Variants in AURKC observed in about 807,000 individuals in gnomAD.
AURKC encodes ARK-3.
A neutral mutation model predicts 29.2 loss-of-function variants in AURKC; 15 were observed. That is an observed-to-expected ratio of 0.51 (90% CI 0.34 to 0.79). The LOEUF is 0.79. Among genes scored for constraint, AURKC ranks in the 30% least tolerant of loss-of-function variants. AURKC has a pLI of 0.01. For missense variants in AURKC, 332 were observed against 383.2 expected, an observed-to-expected ratio of 0.87 and a Z score of 1.12; for synonymous variants, 150 against 149.9, an observed-to-expected ratio of 1.00 and a Z score of -0.01.
chr19:57,231,205 C>T lies in AURKC; in HGVS notation c.-44C>T, dbSNP rs1425407322. On this transcript the variant is annotated 5_prime_UTR_variant, in exon 1 of 7. Transcript: ENST00000302804. ...GGACCCTGTGAACGGGAACAGCCAT[C>T]CAGAGGGTTCAGGAAGGCGTCCGCG... 1 of 1,551,598 alleles carries T rather than the reference C, an allele frequency of 6.4e-7. No homozygotes were observed. The highest frequency in any genetic ancestry group is 8.7e-7 in the Non-Finnish European group (1 of 1,146,970).
intron 1 of AURKC, 54 bp downstream of exon 1, chr19:57,231,360 G>T (rs1038513219): frequency 5.2e-6 from 8 of 1,544,322 alleles, no homozygotes; most frequent in Non-Finnish European, 7.0e-6. Flanking sequence ...CTGGGCCAGG[G>T]GTCGGGTGCA....
intron 1 of AURKC, 149 bp from the exon 2 acceptor site, chr19:57,231,593 T>G: frequency 3.2e-6 from 2 of 624,554 alleles, no homozygotes; most frequent in Non-Finnish European, 5.4e-6. Context: ...TCTCCCTGCC[T>G]TCCCCTTCCC....
chr19:57,234,559 A>G lies in AURKC; in HGVS notation c.585-325A>G, dbSNP rs145059520. Among the ~76,000 whole-genome samples the G allele has an allele frequency of 3.0e-4, 45 of 152,186 alleles. 1 individual carries two copies. In the East Asian group the frequency reaches 8.1e-3, roughly 27 times the overall value. ...TTTCATACAGAAATTTTCTTACCAT[A>G]ATTTATTTACTTGGCTCTCATTGAT... On this transcript the variant is annotated intron_variant, in intron 5 of 6. Coordinates refer to ENST00000302804, the MANE Select transcript of AURKC (RefSeq NM_001015878.2).
At chr19:57,233,324 C>A in intron 4 of AURKC, 136 bp from the exon 5 acceptor site, 1 of 1,255,630 alleles carries the variant, frequency 8.0e-7, no homozygotes, top group Non-Finnish European at 1.2e-6. Context: ...GTAACTGGTG[C>A]AATTTAAAAG....
intron 1 of AURKC, 160 bp from the exon 2 acceptor site, chr19:57,231,582 C>G (rs189902236): frequency 3.6e-6 from 3 of 823,422 alleles, no homozygotes; most frequent in South Asian, 3.2e-5. Flanking sequence ...CTCCCTCCCC[C>G]TCTCCCTGCC....
In AURKC at chr19:57,231,238, C is replaced by T. The variant is rs2087485112; in HGVS notation, c.-11C>T. 1.3e-6 allele frequency: 2 copies of T among 1,551,882 alleles called. No individual in the cohort carries two copies. Among genetic ancestry groups the T allele is most frequent in the Admixed American group, 2.0e-5 (1 of 51,032 alleles). On this transcript the variant is annotated 5_prime_UTR_variant, in exon 1 of 7. Coordinates refer to ENST00000302804, the MANE Select transcript of AURKC (RefSeq NM_001015878.2). ...TTCAGGAAGGCGTCCGCGCCCTCAC[C>T]TCTTCTCCCCATGAGCTCCCCCAGA...
chr19:57,234,730 C>T (rs2087529287), intron 5 of AURKC, among the ~76,000 whole-genome samples, 154 bp from the exon 6 acceptor site: 1 of 152,110 alleles, frequency 6.6e-6, no homozygotes, highest in Non-Finnish European at 1.5e-5. Flanking sequence ...AACCTTGATC[C>T]ATATTAAAAA....
chr19:57,232,341 T>G lies in AURKC; in HGVS notation c.296+117T>G. 2 of 1,428,648 alleles carry G rather than the reference T, an allele frequency of 1.4e-6. No homozygotes were observed. The highest frequency in any genetic ancestry group is 1.9e-6 in the Non-Finnish European group (2 of 1,035,946). The allele number at this position is 1,428,648 out of a possible 1,614,324, so 88.5% of individuals were successfully genotyped here. ...CCTTGAAGACTTCTCTGCAGTTCAT[T>G]CCATTTACACTACCTCCTACCCTGG... On this transcript the variant is annotated intron_variant, in intron 3 of 6. Coordinates refer to ENST00000302804, the MANE Select transcript of AURKC (RefSeq NM_001015878.2). The surrounding 1 kb of genome is among the most constrained non-coding windows in gnomAD (Gnocchi z 4.5).
intron 4 of AURKC, 27 bp from the exon 5 acceptor site, chr19:57,233,433 C>T: frequency 6.2e-7 from 1 of 1,614,074 alleles, no homozygotes; most frequent in Non-Finnish European, 8.5e-7. Flanking sequence ...GCTTCACTTC[C>T]AGGGTGACTT....
chr19:57,233,331 A>G, intron 4 of AURKC, 129 bp from the exon 5 acceptor site: 1 of 1,351,396 alleles, frequency 7.4e-7, no homozygotes, highest in Non-Finnish European at 1.1e-6. Context: ...GTGCAATTTA[A>G]AAGGAGGAAA....
chr19:57,233,754 CTTTTT>C (rs779336470), intron 5 of AURKC, 146 bp downstream of exon 5: 2 of 921,228 alleles, frequency 2.2e-6, no homozygotes, highest in South Asian at 1.8e-5. Flanking sequence ...CTTTTCTTTT[CTTTTT>C]TTTTTTGAGA....
Position 57,235,513 on chromosome 19 carries a change from G to C in AURKC, c.*96G>C, listed in dbSNP as rs2087538276. 2.8e-6 allele frequency: 4 copies of C among 1,443,006 alleles called. No individual in the cohort carries two copies. Among genetic ancestry groups the C allele is most frequent in the Non-Finnish European group, 3.9e-6 (4 of 1,035,100 alleles). 89.4% of individuals were successfully genotyped at this position (1,443,006 alleles called of 1,614,324 possible). On this transcript the variant is annotated 3_prime_UTR_variant, in exon 7 of 7. Coordinates refer to ENST00000302804, the MANE Select transcript of AURKC (RefSeq NM_001015878.2). ...TATTTTTTTCTCTTTTAAGATGTAA[G>C]ATGCTAATTAATAAAAGCTGAATCA...
In AURKC at chr19:57,232,325, C is replaced by T; in HGVS notation, c.296+101C>T. Reference sequence around the variant, plus strand: ...AAACCCTGCACTTGTACCTTGAAGACTTCTCTGCAGTTCATTCCATTTACA... The same window carrying T: ...AAACCCTGCACTTGTACCTTGAAGATTTCTCTGCAGTTCATTCCATTTACA... On this transcript the variant is annotated intron_variant, in intron 3 of 6. Coordinates refer to ENST00000302804, the MANE Select transcript of AURKC (RefSeq NM_001015878.2). The surrounding 1 kb of genome is among the most constrained non-coding windows in gnomAD (Gnocchi z 4.5). 2 of 1,481,290 alleles carry T rather than the reference C, an allele frequency of 1.4e-6. No homozygotes were observed. Among genetic ancestry groups the T allele is most frequent in the Non-Finnish European group, 1.8e-6 (2 of 1,082,052 alleles). The allele number at this position is 1,481,290 out of a possible 1,614,324, so 91.8% of individuals were successfully genotyped here.
intron 2 of AURKC, 84 bp from the exon 3 acceptor site, chr19:57,231,949 A>C: frequency 6.2e-7 from 1 of 1,602,850 alleles, no homozygotes. Context: ...ACAATGAAAG[A>C]GGAAGGGGAG....
rs905218262 is a variant in AURKC, at chr19:57,231,761, A to G, written c.78A>G (p.Thr26=). ...TTTCAGTGGCTACAGCAAACCAAAC[A>G]GCCCAGCAGCCCAGCAGCCCAGCCA... ...AGEELATANQ[T]AQQPSSPAMR... Residue 26 remains threonine (T), a synonymous_variant, in exon 2 of 7, where the codon ACA becomes ACG. Transcript: ENST00000302804. 7.4e-6 allele frequency: 12 copies of G among 1,612,874 alleles called. No homozygotes were observed. In the African/African-American group the frequency reaches 1.5e-4, roughly 20 times the overall value.
At chr19:57,233,841 A>G (rs979331891) in intron 5 of AURKC, among the ~76,000 whole-genome samples, 2 of 150,948 alleles carry the variant, frequency 1.3e-5, no homozygotes, top group Non-Finnish European at 3.0e-5. Flanking sequence ...AAGCGGTTCT[A>G]CTGCCTCAGT....
chr19:57,231,668 CTCT>C, intron 1 of AURKC, 71 bp from the exon 2 acceptor site: 3 of 1,553,658 alleles, frequency 1.9e-6, no homozygotes, highest in East Asian at 2.3e-5. Flanking sequence ...TACTGTTCTC[CTCT>C]CCTCTCTTTC....
At position 57,231,828 on chromosome 19, in the gene AURKC, T is replaced by C. The variant is rs115136601; in HGVS notation, c.104+41T>C. 1.3e-4 allele frequency: 212 copies of C among 1,613,578 alleles called. 1 individual carries two copies. The African/African-American group carries it at 2.5e-3, about 19-fold the overall frequency. On this transcript the variant is annotated intron_variant, in intron 2 of 6. Coordinates refer to ENST00000302804, the MANE Select transcript of AURKC (RefSeq NM_001015878.2). Reference sequence around the variant, plus strand: ...TTGGTATCTGGAAAAGGAAGGAAGGTGGGACGTGGGGATGAAGAACAGACT... The same window carrying C: ...TTGGTATCTGGAAAAGGAAGGAAGGCGGGACGTGGGGATGAAGAACAGACT...
chr19:57,231,592 C>A, intron 1 of AURKC, 150 bp from the exon 2 acceptor site: 1 of 856,794 alleles, frequency 1.2e-6, no homozygotes, highest in Admixed American at 2.1e-5. Flanking sequence ...CTCTCCCTGC[C>A]TTCCCCTTCC....
Sources: gnomAD v4.1 joint callset for allele counts (sites outside exome capture counted in the v4.1 genomes callset) on GRCh38, gnomAD v4.1.1 for gene constraint, Gnocchi (gnomAD v3.1) non-coding constraint, MANE v1.5 for transcripts, NCBI Gene and HGNC (gene_info 2026-07-23, HGNC 2026-07-21) for gene names.